LMTK2: variants seen among roughly 807,000 people sequenced by gnomAD.
The protein encoded by LMTK2 is lemur tail kinase 2.
A neutral mutation model predicts 127.5 loss-of-function variants in LMTK2; 37 were observed. The observed-to-expected ratio is 0.29, with a 90% CI of 0.22 to 0.38. The LOEUF (loss-of-function observed/expected upper bound fraction) is 0.38. Ranked by LOEUF, LMTK2 falls within the 10% of genes least tolerant of loss-of-function variation. The pLI, the probability that LMTK2 is intolerant of heterozygous loss-of-function variation, is 1.00. For synonymous variants in LMTK2, 819 were observed against 810.1 expected, an observed-to-expected ratio of 1.01 and a Z score of -0.19; for missense variants, 1,694 against 1,920.3, an observed-to-expected ratio of 0.88 and a Z score of 2.20.
At chr7:98,163,933 T>A (rs1380948208) in intron 6 of LMTK2, among the ~76,000 whole-genome samples, 1 of 152,166 alleles carries the variant, frequency 6.6e-6, no homozygotes, top group Non-Finnish European at 1.5e-5. Flanking sequence ...TCTTAGCAGG[T>A]CAAGAGCGAT....
intron 9 of LMTK2, among the ~76,000 whole-genome samples, chr7:98,187,749 T>C (rs1797462404): frequency 6.6e-6 from 1 of 152,052 alleles, no homozygotes; most frequent in African/African-American, 2.4e-5. Flanking sequence ...TAATTGGGAT[T>C]ACCAATATGT....
intron 4 of LMTK2, 48 bp downstream of exon 4, chr7:98,151,503 T>C: frequency 1.4e-6 from 2 of 1,400,746 alleles, no homozygotes; most frequent in Non-Finnish European, 2.0e-6. Context: ...TGATACTGTG[T>C]TCAGTGCAGG....
Position 98,203,602 on chromosome 7 carries a change from G to T in LMTK2, c.4136G>T (p.Cys1379Phe), listed in dbSNP as rs1346089920. The T allele has an allele frequency of 6.2e-7, 1 of 1,604,800 alleles. No individual in the cohort carries two copies. The stretch of plus-strand genomic sequence containing the variant: ...ACCCCAACCAAAGAGCTGGGGCCCT[G>T]TGGAGGAGAGGCGTGCGGCCCGGAC... ...QETPTKELGP[C>F]GGEACGPDLS... Residue 1379 changes from cysteine to phenylalanine, a missense_variant, in exon 12 of 14, where the codon TGT becomes TTT. Around this residue, in one of 8 missense-constraint regions of LMTK2, gnomAD observed 554 missense variants for 567.7 expected, o/e 0.98. Coordinates refer to ENST00000297293, the MANE Select transcript of LMTK2 (RefSeq NM_014916.4).
At chr7:98,159,459 TC>T in intron 6 of LMTK2, 34 bp downstream of exon 6, 1 of 1,394,904 alleles carries the variant, frequency 7.2e-7, no homozygotes, top group Non-Finnish European at 1.0e-6. Context: ...GTTCGAGTAT[TC>T]CAGAGGTTGT....
chr7:98,165,938 A>G (rs1175121785), intron 6 of LMTK2, among the ~76,000 whole-genome samples: 1 of 151,768 alleles, frequency 6.6e-6, no homozygotes, highest in Non-Finnish European at 1.5e-5. Context: ...GGACAACCGC[A>G]TGGGTTGAGG....
At chr7:98,158,220 G>A (rs1796958104) in intron 5 of LMTK2, among the ~76,000 whole-genome samples, 1 of 152,216 alleles carries the variant, frequency 6.6e-6, no homozygotes, top group Non-Finnish European at 1.5e-5. Context: ...TAGATAGCCT[G>A]AAGGAGAAAC....
At chr7:98,203,471 T>TCTCAG (rs1797738608) in intron 11 of LMTK2, 103 bp from the exon 12 acceptor site, 1 of 1,417,486 alleles carries the variant, frequency 7.1e-7, no homozygotes. Context: ...GACGCTTACT[T>TCTCAG]CTCAGTCGAT....
chr7:98,204,776 G>A (rs150718084), intron 13 of LMTK2, among the ~76,000 whole-genome samples: 1 of 152,378 alleles, frequency 6.6e-6, no homozygotes, highest in East Asian at 1.9e-4. Context: ...CGCCCAGGCT[G>A]CGCGCCATCT....
At chr7:98,174,105 A>AT (rs1797239258) in intron 7 of LMTK2, among the ~76,000 whole-genome samples, 2 of 13,246 alleles carry the variant, frequency 1.5e-4, no homozygotes, top group Non-Finnish European at 2.0e-3. Context: ...ATTTTGTTGT[A>AT]AAAAAAAAAA....
chr7:98,122,746 C>T (rs1796383693), intron 1 of LMTK2, among the ~76,000 whole-genome samples: 1 of 150,136 alleles, frequency 6.7e-6, no homozygotes, highest in Admixed American at 6.7e-5. Context: ...AACTGGATCT[C>T]ACTCTGTCCC....
At position 98,194,217 on chromosome 7, in the gene LMTK2, C is replaced by G. The variant is rs201045489; in HGVS notation, c.3752C>G (p.Ser1251Cys). ...CTGGACAAGTCCCTGTCCAGCCACT[C>G]CGAGGGCCCGAAGTTGAAGGAGCCG... ...SALDKSLSSH[S>C]EGPKLKEPDI... Residue 1251 changes from serine (S) to cysteine (C), a missense_variant, in exon 11 of 14, where the codon TCC becomes TGC. By Grantham distance (112) the Ser-to-Cys change is moderately radical. Around this residue, in one of 8 missense-constraint regions of LMTK2, gnomAD observed 554 missense variants for 567.7 expected, o/e 0.98. Transcript: ENST00000297293. The surrounding 1 kb of genome is among the most constrained non-coding windows in gnomAD (Gnocchi z 5.4). 5 of 1,614,002 alleles carry G rather than the reference C, an allele frequency of 3.1e-6. No homozygotes were observed. The highest frequency in any genetic ancestry group is 4.2e-6 in the Non-Finnish European group (5 of 1,180,036).
chr7:98,160,246 CAA>C (rs901799641), intron 6 of LMTK2, among the ~76,000 whole-genome samples: 32 of 152,166 alleles, frequency 2.1e-4, no homozygotes, highest in African/African-American at 7.5e-4. Flanking sequence ...TACCCCAAAA[CAA>C]ATTCCCAGTT....
At chr7:98,153,902 A>G (rs1166374324) in intron 4 of LMTK2, among the ~76,000 whole-genome samples, 3 of 152,056 alleles carry the variant, frequency 2.0e-5, no homozygotes, top group Admixed American at 1.3e-4. Context: ...AATTATCAGA[A>G]TTTCTTGTTC....
Position 98,186,896 on chromosome 7 carries a change from A to T in LMTK2, c.896A>T (p.Asp299Val). The T allele has an allele frequency of 6.2e-7, 1 of 1,613,010 alleles. No homozygotes were observed. Among genetic ancestry groups the T allele is most frequent in the African/African-American group, 1.3e-5 (1 of 75,044 alleles). Residue 299 changes from aspartate to valine, a missense_variant, in exon 9 of 14, where the codon GAT becomes GTT. This residue lies in a region of LMTK2 where 47 missense variants were observed against 95.4 expected (regional missense o/e 0.49). Coordinates refer to ENST00000297293, the MANE Select transcript of LMTK2 (RefSeq NM_014916.4). ...AAACAGGAGGATTATATTGAAACAGATGATAAAAAAGTTTTCCCTCTGCGA... is the reference window on the plus strand; with the variant it reads ...AAACAGGAGGATTATATTGAAACAGTTGATAAAAAAGTTTTCCCTCTGCGA... ...SRYKEDYIET[D>V]DKKVFPLRWT...
chr7:98,113,109 T>C (rs931794583), intron 1 of LMTK2, among the ~76,000 whole-genome samples: 10 of 152,158 alleles, frequency 6.6e-5, no homozygotes, highest in Non-Finnish European at 1.5e-4. Flanking sequence ...CCAATTCTTA[T>C]CTTGAATTGT....
chr7:98,203,643 C>G lies in LMTK2; in HGVS notation c.4177C>G (p.Pro1393Ala). ...ACGPDLSGPA[P>A]ASGSPYLSRC... ...CGGCCCGGACCTGAGCGGCCCAGCC[C>G]CAGCCTCAGGCTCTCCCTACCTGAG... Residue 1393 changes from proline (P) to alanine (A), a missense_variant, in exon 12 of 14, where the codon CCA becomes GCA. Physicochemically the swap from Pro to Ala is conservative, Grantham distance 27. Around this residue, in one of 8 missense-constraint regions of LMTK2, gnomAD observed 554 missense variants for 567.7 expected, o/e 0.98. Transcript: ENST00000297293. The G allele has an allele frequency of 1.2e-6, 2 of 1,613,678 alleles. No individual in the cohort carries two copies. The highest frequency in any genetic ancestry group is 1.7e-6 in the Non-Finnish European group (2 of 1,179,918).
Position 98,190,799 on chromosome 7 carries a change from A to C in LMTK2, c.1070A>C (p.Asp357Ala). The change falls in exon 10 of 14, where the codon GAT (aspartate) becomes GCT (alanine). Residue 357 changes from aspartate (D) to alanine (A), a missense_variant. Physicochemically the swap from Asp to Ala is moderately radical, Grantham distance 126. Coordinates refer to ENST00000297293, the MANE Select transcript of LMTK2 (RefSeq NM_014916.4). Reference protein sequence around the residue: ...AQPYSNLSNLDVLNQVIRERD... With the variant: ...AQPYSNLSNLAVLNQVIRERD... ...CCGTATTCAAACCTTTCCAACTTAGATGTCCTCAACCAAGTCATTAGAGAG... is the reference window on the plus strand; with the variant it reads ...CCGTATTCAAACCTTTCCAACTTAGCTGTCCTCAACCAAGTCATTAGAGAG... 6.2e-7 allele frequency: 1 copy of C among 1,614,048 alleles called. No individual in the cohort carries two copies. The highest frequency in any genetic ancestry group is 8.5e-7 in the Non-Finnish European group (1 of 1,179,964).
At chr7:98,138,982 A>G (rs751763060) in intron 2 of LMTK2, among the ~76,000 whole-genome samples, 1 of 152,134 alleles carries the variant, frequency 6.6e-6, no homozygotes, top group Non-Finnish European at 1.5e-5. Flanking sequence ...CTCTAGATTT[A>G]AAGCTGTGCA....
intron 3 of LMTK2, among the ~76,000 whole-genome samples, chr7:98,144,347 G>A (rs1192871330): frequency 6.6e-6 from 1 of 151,702 alleles, no homozygotes; most frequent in Non-Finnish European, 1.5e-5. Context: ...ACAGGAGAAT[G>A]GCATGAACCC....
Sources: gnomAD v4.1 joint callset for allele counts (sites outside exome capture counted in the v4.1 genomes callset) on GRCh38, gnomAD v4.1.1 for gene constraint, gnomAD v4.1.1 regional missense constraint, Gnocchi (gnomAD v3.1) non-coding constraint, MANE v1.5 for transcripts, NCBI Gene and HGNC (gene_info 2026-07-23, HGNC 2026-07-21) for gene names.